SNX14: variants seen among roughly 807,000 people sequenced by gnomAD.
SNX14 encodes the protein sorting nexin 14.
Under a neutral mutation model 133.8 loss-of-function variants are expected in SNX14, and 93 were observed. The observed-to-expected ratio is 0.70, with a 90% CI of 0.59 to 0.83. The LOEUF (loss-of-function observed/expected upper bound fraction) is 0.83. Among genes scored for constraint, SNX14 ranks in the 40% least tolerant of loss-of-function variants. The pLI, the probability that SNX14 is intolerant of heterozygous loss-of-function variation, is 0.00. For synonymous variants in SNX14, 368 were observed against 365.6 expected (o/e 1.01, Z -0.07); for missense variants, 945 against 1,094.9 (o/e 0.86, Z 1.93).
At chr6:85,507,326 GCA>G in intron 27 of SNX14, 37 bp from the exon 28 acceptor site, 1 of 1,512,200 alleles carries the variant, frequency 6.6e-7, no homozygotes, top group Non-Finnish European at 9.1e-7. Flanking sequence ...AAATGTTAAG[GCA>G]CTAAACACAA....
chr6:85,527,990 G>A (rs113832144), intron 20 of SNX14, among the ~76,000 whole-genome samples: 43 of 151,874 alleles, frequency 2.8e-4, no homozygotes, highest in African/African-American at 9.2e-4. Context: ...TTTTTTTAAT[G>A]TCCTATACAA....
At chr6:85,539,981 A>ATTTTATTTTATTTTATTTTATTTTAT (rs1554230930) in intron 15 of SNX14, among the ~76,000 whole-genome samples, 1 of 48,226 alleles carries the variant, frequency 2.1e-5, no homozygotes. Flanking sequence ...TTTTATTTTA[A>ATTTTATTTTATTTTATTTTATTTTAT]TTGAGGCGGA....
chr6:85,540,119 A>G (rs891630546), intron 15 of SNX14, among the ~76,000 whole-genome samples: 7 of 152,052 alleles, frequency 4.6e-5, no homozygotes, highest in African/African-American at 1.4e-4. Context: ...GTTCCATCGC[A>G]CTTGACTAAT....
At chr6:85,538,888 AAT>A in intron 15 of SNX14, 24 bp from the exon 16 acceptor site, 1 of 1,578,884 alleles carries the variant, frequency 6.3e-7, no homozygotes, top group Non-Finnish European at 8.6e-7. Context: ...TATGTGAAAT[AAT>A]ATAAGGAGAG....
intron 1 of SNX14, among the ~76,000 whole-genome samples, chr6:85,580,081 T>C (rs575412845): frequency 6.6e-6 from 1 of 152,312 alleles, no homozygotes; most frequent in East Asian, 1.9e-4. Flanking sequence ...AAAGAGACCC[T>C]TTCCCTCTGC....
intron 6 of SNX14, among the ~76,000 whole-genome samples, chr6:85,559,694 G>A (rs900247739): frequency 2.0e-5 from 3 of 152,184 alleles, no homozygotes; most frequent in East Asian, 3.9e-4. Context: ...GGATAGTGAC[G>A]CAGATAAGAG....
At chr6:85,516,588 T>C (rs1775069849) in intron 23 of SNX14, among the ~76,000 whole-genome samples, 1 of 149,348 alleles carries the variant, frequency 6.7e-6, no homozygotes, top group Non-Finnish European at 1.5e-5. Flanking sequence ...AGAAAAATTA[T>C]AGGCTATATT....
At chr6:85,510,304 T>C (rs1772352923) in intron 26 of SNX14, among the ~76,000 whole-genome samples, 1 of 152,230 alleles carries the variant, frequency 6.6e-6, no homozygotes, top group Non-Finnish European at 1.5e-5. Context: ...GTGGTGTTGG[T>C]GTTCTGGATC....
At chr6:85,551,070 T>A (rs1787665465) in intron 7 of SNX14, among the ~76,000 whole-genome samples, 1 of 152,146 alleles carries the variant, frequency 6.6e-6, no homozygotes, top group Non-Finnish European at 1.5e-5. Context: ...CATGAGCCAC[T>A]GCGCCTGGCC....
At chr6:85,569,113 C>T (rs555242222) in intron 4 of SNX14, among the ~76,000 whole-genome samples, 13 of 152,266 alleles carry the variant, frequency 8.5e-5, no homozygotes, top group Admixed American at 3.9e-4. Context: ...TAGGCATGTG[C>T]CACCACAACC....
chr6:85,527,385 C>CTA (rs201393419), intron 20 of SNX14, among the ~76,000 whole-genome samples: 13 of 98,140 alleles, frequency 1.3e-4, no homozygotes, highest in South Asian at 4.4e-4. Flanking sequence ...CAGAAGATAC[C>CTA]TATATATATA....
At chr6:85,574,122 A>C (rs1796552133) in intron 2 of SNX14, 136 bp downstream of exon 2, 1 of 670,364 alleles carries the variant, frequency 1.5e-6, no homozygotes, top group Non-Finnish European at 2.2e-6. Context: ...AAAAAAACAA[A>C]AAAAAAAAAG....
intron 21 of SNX14, among the ~76,000 whole-genome samples, chr6:85,518,669 C>T (rs1775854146): frequency 6.6e-6 from 1 of 152,090 alleles, no homozygotes; most frequent in South Asian, 2.1e-4. Flanking sequence ...AAACTGCTTT[C>T]TGAACAAATC....
intron 1 of SNX14, among the ~76,000 whole-genome samples, chr6:85,579,676 C>A (rs1262804848): frequency 6.6e-6 from 1 of 152,172 alleles, no homozygotes; most frequent in African/African-American, 2.4e-5. Flanking sequence ...TAGCCGATGC[C>A]CAAAAAGAGG....
At chr6:85,530,395 A>G in intron 18 of SNX14, 120 bp from the exon 19 acceptor site, 1 of 578,204 alleles carries the variant, frequency 1.7e-6, no homozygotes, top group East Asian at 3.5e-5. Context: ...CTATAATCCC[A>G]GCACTTTGGG....
chr6:85,523,623 T>C (rs1777581333), intron 21 of SNX14, among the ~76,000 whole-genome samples: 1 of 151,862 alleles, frequency 6.6e-6, no homozygotes. Context: ...AATACAAAAA[T>C]TATCTGGGTG....
At chr6:85,517,665 T>G in intron 23 of SNX14, 91 bp downstream of exon 23, 11 of 1,411,154 alleles carry the variant, frequency 7.8e-6, no homozygotes, top group Non-Finnish European at 1.0e-5. Context: ...ATCCATTTCA[T>G]TAACAAAGTA....
chr6:85,549,318 A>AGCTGG, intron 8 of SNX14, among the ~76,000 whole-genome samples: 1 of 152,116 alleles, frequency 6.6e-6, no homozygotes, highest in East Asian at 1.9e-4. Context: ...GATGACCTCC[A>AGCTGG]ATTCTTTTTC....
intron 1 of SNX14, among the ~76,000 whole-genome samples, chr6:85,576,664 G>A (rs751910788): frequency 1.5e-4 from 23 of 152,156 alleles, no homozygotes; most frequent in Non-Finnish European, 3.1e-4. Flanking sequence ...AGAATTCAGA[G>A]AGGAGAAAAA....
Sources: gnomAD v4.1 joint callset for allele counts (sites outside exome capture counted in the v4.1 genomes callset) on GRCh38, gnomAD v4.1.1 for gene constraint, MANE v1.5 for transcripts, NCBI Gene and HGNC (gene_info 2026-07-23, HGNC 2026-07-21) for gene names.